Variants in NOS1AP observed in about 807,000 individuals in gnomAD.
NOS1AP encodes the protein nitric oxide synthase 1 adaptor protein.
A neutral mutation model predicts 56.2 loss-of-function variants in NOS1AP; 21 were observed. That is an observed-to-expected ratio of 0.37 (90% CI 0.26 to 0.54). The LOEUF (loss-of-function observed/expected upper bound fraction) is 0.54. Ranked by LOEUF, NOS1AP falls within the 20% of genes least tolerant of loss-of-function variation. The pLI is 0.84. For missense variants in NOS1AP, 522 were observed against 657.8 expected (o/e 0.79, Z 2.26); for synonymous variants, 270 against 274.6 (o/e 0.98, Z 0.17).
chr1:162,153,321 G>A (rs1273192999), intron 1 of NOS1AP, among the ~76,000 whole-genome samples: 1 of 152,016 alleles, frequency 6.6e-6, no homozygotes, highest in Non-Finnish European at 1.5e-5. Flanking sequence ...TAGAGATGAG[G>A]TTTCATCATG....
chr1:162,253,160 A>C (rs143254096), intron 2 of NOS1AP, among the ~76,000 whole-genome samples: 408 of 152,254 alleles, frequency 2.7e-3, no homozygotes, highest in African/African-American at 9.5e-3. Context: ...TTTGTTGTAA[A>C]AGGGCGAGTT....
chr1:162,127,788 G>A (rs1226883518), intron 1 of NOS1AP, among the ~76,000 whole-genome samples: 1 of 152,146 alleles, frequency 6.6e-6, no homozygotes, highest in African/African-American at 2.4e-5. Context: ...CCATTCATGA[G>A]AAACCCATTC....
intron 2 of NOS1AP, among the ~76,000 whole-genome samples, chr1:162,274,769 T>C (rs1654686808): frequency 6.6e-6 from 1 of 152,224 alleles, no homozygotes; most frequent in Admixed American, 6.5e-5. Context: ...GAGCCTCACC[T>C]GTCTCAATTC....
intron 2 of NOS1AP, among the ~76,000 whole-genome samples, chr1:162,248,648 C>T (rs1009788214): frequency 7.9e-5 from 12 of 152,128 alleles, no homozygotes; most frequent in African/African-American, 2.7e-4. Flanking sequence ...GCTGATGAGC[C>T]TCACAACTGA....
chr1:162,216,761 C>T (rs1652581688), intron 2 of NOS1AP, among the ~76,000 whole-genome samples: 1 of 152,192 alleles, frequency 6.6e-6, no homozygotes, highest in African/African-American at 2.4e-5. Context: ...ACTGTGGAAT[C>T]AGGCAGCCTG....
rs928720600 is a variant in NOS1AP, at chr1:162,358,638, C to T, written c.939+1502C>T. On this transcript the variant is annotated intron_variant, in intron 8 of 9. Coordinates refer to ENST00000361897, the MANE Select transcript of NOS1AP (RefSeq NM_014697.3). ...GATGGCACAGCAGTCTGAGAATCCC[C>T]TCCCTAGTGTGACAGTTGACAGGAG... 2.6e-5 allele frequency among the ~76,000 whole-genome samples: 4 copies of T among 152,302 alleles called. No homozygotes were observed. In the East Asian group the frequency reaches 7.7e-4, roughly 29 times the overall value.
intron 1 of NOS1AP, among the ~76,000 whole-genome samples, chr1:162,099,493 T>C (rs542725422): frequency 5.3e-5 from 8 of 152,330 alleles, no homozygotes; most frequent in Non-Finnish European, 1.0e-4. Context: ...GGCCTACTTT[T>C]GGACTTTTTA....
chr1:162,366,174 G>A (rs1401977305), intron 9 of NOS1AP, among the ~76,000 whole-genome samples: 4 of 152,092 alleles, frequency 2.6e-5, no homozygotes, highest in Admixed American at 6.5e-5. Context: ...GGCAGCTGTA[G>A]ATCGCAACAC....
chr1:162,290,736 A>G (rs2101742891), intron 3 of NOS1AP, among the ~76,000 whole-genome samples: 1 of 152,260 alleles, frequency 6.6e-6, no homozygotes, highest in African/African-American at 2.4e-5. Context: ...CTCTCCTCCC[A>G]CAATTAGCTT....
At chr1:162,324,972 T>G (rs1234348041) in intron 4 of NOS1AP, among the ~76,000 whole-genome samples, 1 of 152,158 alleles carries the variant, frequency 6.6e-6, no homozygotes, top group African/African-American at 2.4e-5. Flanking sequence ...GGCCCCACAC[T>G]TCAGGTGTCT....
At position 162,112,025 on chromosome 1, in the gene NOS1AP, C is replaced by T. The variant is rs150640417; in HGVS notation, c.105+41743C>T. Among the ~76,000 whole-genome samples the T allele has an allele frequency of 4.6e-5, 7 of 152,334 alleles. No individual in the cohort carries two copies. In the East Asian group the frequency reaches 5.8e-4, roughly 13 times the overall value. On this transcript the variant is annotated intron_variant, in intron 1 of 9. Coordinates refer to ENST00000361897, the MANE Select transcript of NOS1AP (RefSeq NM_014697.3). ...TTTACCGCTCAGGCCAGTGCTCCTTCGTGCTCCGACTCTTCTCACTGTTCT... is the reference window on the plus strand; with the variant it reads ...TTTACCGCTCAGGCCAGTGCTCCTTTGTGCTCCGACTCTTCTCACTGTTCT...
intron 2 of NOS1AP, among the ~76,000 whole-genome samples, chr1:162,252,184 C>T (rs772940298): frequency 2.0e-5 from 3 of 151,968 alleles, no homozygotes; most frequent in Non-Finnish European, 4.4e-5. Flanking sequence ...GTAGCTGGGA[C>T]TATAGGTGTG....
At chr1:162,090,369 T>TA (rs35839449) in intron 1 of NOS1AP, among the ~76,000 whole-genome samples, 88,627 of 146,858 alleles carry the variant, frequency 0.6, 26,840 homozygotes, top group Non-Finnish European at 0.67. Flanking sequence ...TTATCTTTTG[T>TA]AAAAAAAAAA....
At chr1:162,081,279 A>G (rs1010672302) in intron 1 of NOS1AP, among the ~76,000 whole-genome samples, 3 of 152,134 alleles carry the variant, frequency 2.0e-5, no homozygotes, top group South Asian at 4.1e-4. Flanking sequence ...CATTGTGGCT[A>G]TGTCCGGGAC....
chr1:162,195,543 T>A (rs923764322), intron 2 of NOS1AP, among the ~76,000 whole-genome samples: 1 of 152,206 alleles, frequency 6.6e-6, no homozygotes, highest in Non-Finnish European at 1.5e-5. Flanking sequence ...TTTTATTTTT[T>A]AAATTTGTTC....
intron 8 of NOS1AP, chr1:162,360,875 A>T: frequency 4.4e-6 from 2 of 456,580 alleles, no homozygotes. Flanking sequence ...GCTACTCCCT[A>T]ACTTCAGCCT....
Position 162,154,443 on chromosome 1 carries a change from G to A in NOS1AP, c.144G>A (p.Arg48=). 1 of 1,614,150 alleles carries A rather than the reference G, an allele frequency of 6.2e-7. No individual in the cohort carries two copies. The highest frequency in any genetic ancestry group is 8.5e-7 in the Non-Finnish European group (1 of 1,180,012). ...GSLDVPRPNS[R]VEIVAAMRRI... The stretch of plus-strand genomic sequence containing the variant: ...TGGACGTGCCAAGGCCCAACAGCAG[G>A]GTGGAGATCGTGGCTGCCATGCGCC... The change falls in exon 2 of 10, where the codon AGG becomes AGA. Residue 48 remains arginine (R), a synonymous_variant. Coordinates refer to ENST00000361897, the MANE Select transcript of NOS1AP (RefSeq NM_014697.3).
chr1:162,176,745 G>C (rs1326291708), intron 2 of NOS1AP, among the ~76,000 whole-genome samples: 2 of 152,064 alleles, frequency 1.3e-5, no homozygotes, highest in Non-Finnish European at 2.9e-5. Context: ...TTGACCTGGT[G>C]ATCCACCCAC....
At chr1:162,238,276 C>G (rs1463369180) in intron 2 of NOS1AP, among the ~76,000 whole-genome samples, 2 of 151,912 alleles carry the variant, frequency 1.3e-5, no homozygotes, top group African/African-American at 4.8e-5. Flanking sequence ...GGTTCCAGTC[C>G]CCACTAACCC....
Sources: gnomAD v4.1 joint callset for allele counts (sites outside exome capture counted in the v4.1 genomes callset) on GRCh38, gnomAD v4.1.1 for gene constraint, MANE v1.5 for transcripts, NCBI Gene and HGNC (gene_info 2026-07-23, HGNC 2026-07-21) for gene names.